Variants in GPR107 observed in about 807,000 individuals in gnomAD.
The protein encoded by GPR107 is G protein-coupled receptor 107, also known as protein GPR107.
A neutral mutation model predicts 75.5 loss-of-function variants in GPR107; 31 were observed. That is an observed-to-expected ratio of 0.41 (90% CI 0.31 to 0.55). The LOEUF is 0.55. GPR107 is among the 20% of genes least tolerant of loss of function. The pLI, the probability that GPR107 is intolerant of heterozygous loss-of-function variation, is 0.26. For missense variants in GPR107, 572 were observed against 665.7 expected (o/e 0.86, Z 1.55); for synonymous variants, 267 against 251.3 (o/e 1.06, Z -0.59).
intron 14 of GPR107, chr9:130,110,370 G>A (rs999150374): frequency 5.2e-6 from 8 of 1,531,780 alleles, no homozygotes; most frequent in Non-Finnish European, 6.2e-6. Flanking sequence ...TTTCCACCAG[G>A]TGACAGCATG....
chr9:130,132,441 C>G (rs1554899244), intron 17 of GPR107, among the ~76,000 whole-genome samples: 1 of 152,194 alleles, frequency 6.6e-6, no homozygotes, highest in Non-Finnish European at 1.5e-5. Flanking sequence ...TGTGTCCACC[C>G]TGGTTCTCTC....
At chr9:130,098,219 T>G (rs1222224544) in intron 9 of GPR107, among the ~76,000 whole-genome samples, 1 of 152,102 alleles carries the variant, frequency 6.6e-6, no homozygotes, top group Non-Finnish European at 1.5e-5. Flanking sequence ...GGTTAATTCC[T>G]AAGGGGAGGT....
intron 1 of GPR107, among the ~76,000 whole-genome samples, chr9:130,064,120 A>T: frequency 7.2e-6 from 1 of 139,224 alleles, no homozygotes; most frequent in African/African-American, 2.7e-5. Context: ...GCCAGGGTTT[A>T]TTCTTTTTGT....
intron 3 of GPR107, 23 bp from the exon 4 acceptor site, chr9:130,077,276 A>G: frequency 8.2e-7 from 1 of 1,222,748 alleles, no homozygotes; most frequent in Non-Finnish European, 1.2e-6. Context: ...AAGATGATGT[A>G]CAATTGGCTC....
chr9:130,060,758 T>C (rs1829910739), intron 1 of GPR107, among the ~76,000 whole-genome samples: 1 of 152,148 alleles, frequency 6.6e-6, no homozygotes, highest in African/African-American at 2.4e-5. Context: ...GTTTGATACT[T>C]CTATGATAAT....
intron 1 of GPR107, 91 bp downstream of exon 1, chr9:130,054,164 C>T (rs1829665897): frequency 3.3e-6 from 4 of 1,204,148 alleles, no homozygotes; most frequent in East Asian, 2.7e-5. Flanking sequence ...ACCTCTGAGC[C>T]ACTGGACCAC....
At chr9:130,117,691 T>C (rs1398050379) in intron 14 of GPR107, among the ~76,000 whole-genome samples, 4 of 152,186 alleles carry the variant, frequency 2.6e-5, no homozygotes, top group Non-Finnish European at 5.9e-5. Flanking sequence ...TTTATTTCTT[T>C]AATTTTTGTG....
chr9:130,133,782 T>C (rs542367255), intron 17 of GPR107, among the ~76,000 whole-genome samples: 2 of 152,308 alleles, frequency 1.3e-5, no homozygotes, highest in Admixed American at 6.5e-5. Context: ...ACAAATAACC[T>C]GTGAGTCTAA....
rs143338115 is a variant in GPR107 at position 130,055,946 on chromosome 9, CAAATAAAT to C, written c.141+1894_141+1901del. Reference sequence around the variant, plus strand: ...GGGGCGAAAGAACTATACTCTGTCTCAAATAAATAAATAAATAAATAAATAAATGCAAG... The same window carrying C: ...GGGGCGAAAGAACTATACTCTGTCTCAAATAAATAAATAAATAAATGCAAG... On this transcript the variant is annotated intron_variant, in intron 1 of 17. Coordinates refer to ENST00000347136, the MANE Select transcript of GPR107 (RefSeq NM_020960.5). 4.6e-5 allele frequency among the ~76,000 whole-genome samples: 7 copies of C among 151,052 alleles called. No individual in the cohort carries two copies. The East Asian group carries it at 5.9e-4, about 13-fold the overall frequency.
Position 130,086,412 on chromosome 9 carries a change from C to T in GPR107, c.565-8C>T, listed in dbSNP as rs1017379030. 18 of 1,405,922 alleles carry T rather than the reference C, an allele frequency of 1.3e-5. No individual in the cohort carries two copies. The highest frequency in any genetic ancestry group is 1.8e-5 in the Non-Finnish European group (18 of 990,876). The allele number at this position is 1,405,922 out of a possible 1,614,324, so 87.1% of individuals were successfully genotyped here. ...GTCATCCTAAAACATACTATTATGTCTTTTTAGGCCATGGGAGAGAAATCC... is the reference window on the plus strand; with the variant it reads ...GTCATCCTAAAACATACTATTATGTTTTTTTAGGCCATGGGAGAGAAATCC... On this transcript the variant is annotated splice_region_variant and splice_polypyrimidine_tract_variant and intron_variant, in intron 6 of 17. Coordinates refer to ENST00000347136, the MANE Select transcript of GPR107 (RefSeq NM_020960.5).
intron 15 of GPR107, among the ~76,000 whole-genome samples, chr9:130,125,401 T>A (rs1362708838): frequency 1.8e-5 from 1 of 56,582 alleles, no homozygotes. Flanking sequence ...GCTTTTTTGC[T>A]TTTTTTTTTT....
chr9:130,085,771 T>TTTTTTTTTTTTTTTTTTTTTTGTG (rs1830600791), intron 6 of GPR107, among the ~76,000 whole-genome samples: 1 of 133,416 alleles, frequency 7.5e-6, no homozygotes. Context: ...TTTTTTTTTT[T>TTTTTTTTTTTTTTTTTTTTTTGTG]GCCGGGGGGA....
At chr9:130,113,635 A>G (rs1367191622) in intron 14 of GPR107, among the ~76,000 whole-genome samples, 2 of 152,220 alleles carry the variant, frequency 1.3e-5, no homozygotes, top group Non-Finnish European at 2.9e-5. Flanking sequence ...TGGGAGATCT[A>G]CATAACACAC....
At chr9:130,099,306 C>A (rs1343997986) in intron 9 of GPR107, 151 bp from the exon 10 acceptor site, 9 of 584,200 alleles carry the variant, frequency 1.5e-5, no homozygotes, top group Non-Finnish European at 2.1e-5. Flanking sequence ...CAGAATAAGA[C>A]CCTGTCTCAA....
chr9:130,067,901 C>T (rs1009490918), intron 1 of GPR107, among the ~76,000 whole-genome samples: 6 of 151,778 alleles, frequency 4.0e-5, no homozygotes, highest in East Asian at 1.9e-4. Flanking sequence ...GGCGCCACCA[C>T]GCCTGGCTAA....
intron 1 of GPR107, among the ~76,000 whole-genome samples, chr9:130,062,656 GCCTGCCTTCCTT>G (rs1236495250): frequency 0.016 from 756 of 45,998 alleles, no homozygotes; most frequent in African/African-American, 0.029. Flanking sequence ...CTGCCTGCCT[GCCTGCCTTCCTT>G]CCTTCCTTCC....
chr9:130,104,598 G>A (rs1185549127), intron 13 of GPR107, 48 bp downstream of exon 13: 1 of 1,547,408 alleles, frequency 6.5e-7, no homozygotes, highest in Non-Finnish European at 8.9e-7. Context: ...TGGCTGTCAA[G>A]CCCAATAGCT....
At chr9:130,104,642 T>C (rs1341578017) in intron 13 of GPR107, 92 bp downstream of exon 13, 1 of 1,040,318 alleles carries the variant, frequency 9.6e-7, no homozygotes, top group East Asian at 2.5e-5. Context: ...CTCAGTCACA[T>C]GGGACGTGTG....
At chr9:130,071,022 ACTTTTTTTTTTT>A (rs1438890740) in intron 1 of GPR107, among the ~76,000 whole-genome samples, 9 of 121,884 alleles carry the variant, frequency 7.4e-5, no homozygotes, top group African/African-American at 2.9e-4. Context: ...CCCAGTCCTA[ACTTTTTTTTTTT>A]CTTTTTTTTT....
Sources: gnomAD v4.1 joint callset for allele counts (sites outside exome capture counted in the v4.1 genomes callset) on GRCh38, gnomAD v4.1.1 for gene constraint, MANE v1.5 for transcripts, NCBI Gene and HGNC (gene_info 2026-07-23, HGNC 2026-07-21) for gene names.